FAM240A: variants seen among roughly 807,000 people sequenced by gnomAD.
FAM240A encodes the protein family with sequence similarity 240 member A.
FAM240A carries 8 observed loss-of-function variants against 7.3 expected under a neutral mutation model. That is an observed-to-expected ratio of 1.09 (90% CI 0.64 to 1.97). FAM240A has a LOEUF of 1.97. Among genes scored for constraint, FAM240A ranks in the 30% most tolerant of loss-of-function variants. FAM240A has a pLI of 0.00. For synonymous variants in FAM240A, 32 were observed against 35.9 expected, an observed-to-expected ratio of 0.89 and a Z score of 0.38; for missense variants, 90 against 102.2, an observed-to-expected ratio of 0.88 and a Z score of 0.52.
rs1386465267 is a variant in FAM240A, at chr3:46,626,121, G to T, written c.*903G>T. On this transcript the variant is annotated 3_prime_UTR_variant, in exon 3 of 3. Coordinates refer to ENST00000640551, the MANE Select transcript of FAM240A (RefSeq NM_001195442.2). ...CAATGATATAAAGTCCTGGGTACTT[G>T]CTGGCTGTAAGCAGCACCTGCAAGG... is the stretch of plus-strand genomic sequence containing the variant. The T allele has an allele frequency of 1.3e-5, 2 of 152,048 alleles. No individual in the cohort carries two copies. Among genetic ancestry groups the T allele is most frequent in the Non-Finnish European group, 2.9e-5 (2 of 68,032 alleles). The allele number at this position is 152,048 out of a possible 1,614,324, so 9.4% of individuals were successfully genotyped here. A position where few individuals can be genotyped will look rare whatever the true frequency, so the allele number is the denominator to read the frequency against.
chr3:46,612,850 C>T (rs1250948324), intron 1 of FAM240A, among the ~76,000 whole-genome samples, 152 bp downstream of exon 1: 1 of 152,224 alleles, frequency 6.6e-6, no homozygotes, highest in Non-Finnish European at 1.5e-5. Context: ...AGAGGGGATA[C>T]AGAGGAATAG....
Position 46,617,325 on chromosome 3 carries a change from G to C in FAM240A, c.158G>C (p.Arg53Thr). 2 of 1,523,468 alleles carry C rather than the reference G, an allele frequency of 1.3e-6. No homozygotes were observed. Among genetic ancestry groups the C allele is most frequent in the Non-Finnish European group, 1.8e-6 (2 of 1,142,620 alleles). 94.4% of individuals were successfully genotyped at this position (1,523,468 alleles called of 1,614,324 possible). The change falls in exon 2 of 3, where the codon AGA (arginine) becomes ACA (threonine). Residue 53 changes from arginine (R) to threonine (T), a missense_variant. By Grantham distance (71) the Arg-to-Thr change is moderately conservative. Transcript: ENST00000640551. ...EERRLGRSAL[R>T]KLREEWKQRL... ...CGTCGTCTGGGAAGAAGCGCACTGAGAAAGTATGTGGCTTGTTTGTCTACT... is the reference window on the plus strand; with the variant it reads ...CGTCGTCTGGGAAGAAGCGCACTGACAAAGTATGTGGCTTGTTTGTCTACT...
intron 2 of FAM240A, among the ~76,000 whole-genome samples, chr3:46,620,259 T>C (rs1176814838): frequency 2.0e-5 from 3 of 150,960 alleles, no homozygotes. Flanking sequence ...TCCTGTTTTC[T>C]AGCAGTGACT....
intron 1 of FAM240A, among the ~76,000 whole-genome samples, chr3:46,615,086 GACAA>G (rs1697612700): frequency 1.3e-5 from 2 of 152,152 alleles, no homozygotes; most frequent in Non-Finnish European, 2.9e-5. Context: ...GAACCCATGT[GACAA>G]ACAGACGGCG....
At chr3:46,617,649 T>G (rs910321733) in intron 2 of FAM240A, among the ~76,000 whole-genome samples, 4 of 152,224 alleles carry the variant, frequency 2.6e-5, no homozygotes, top group Non-Finnish European at 5.9e-5. Context: ...AATTCTTATC[T>G]TTATGAACTG....
intron 2 of FAM240A, among the ~76,000 whole-genome samples, chr3:46,621,381 T>TG (rs1305156161): frequency 1.4e-4 from 22 of 152,214 alleles, no homozygotes; most frequent in Non-Finnish European, 3.2e-4. Context: ...AAACCAACCT[T>TG]GTTTTTATTA....
intron 1 of FAM240A, 93 bp downstream of exon 1, chr3:46,612,791 C>A: frequency 1.0e-6 from 1 of 956,738 alleles, no homozygotes; most frequent in Non-Finnish European, 1.6e-6. Context: ...ATTCACTGGA[C>A]GCAGCAGCAC....
intron 2 of FAM240A, among the ~76,000 whole-genome samples, chr3:46,617,927 G>A (rs763566599): frequency 9.2e-5 from 14 of 152,320 alleles, no homozygotes; most frequent in Admixed American, 5.9e-4. Flanking sequence ...GTGGGCAAAC[G>A]AGGGTCACCT....
At chr3:46,618,882 T>TAC (rs748467427) in intron 2 of FAM240A, among the ~76,000 whole-genome samples, 843 of 77,218 alleles carry the variant, frequency 0.011, 3 homozygotes, top group Middle Eastern at 0.049. Context: ...TATATATATA[T>TAC]ACACACACAC....
intron 2 of FAM240A, among the ~76,000 whole-genome samples, chr3:46,620,498 CAA>C (rs75349231): frequency 0.4 from 53,344 of 134,368 alleles, 10,187 homozygotes; most frequent in Non-Finnish European, 0.44. Context: ...GTAGTTTTGT[CAA>C]AAAAAAAAAA....
chr3:46,622,236 A>C (rs1697706546), intron 2 of FAM240A, among the ~76,000 whole-genome samples: 1 of 150,066 alleles, frequency 6.7e-6, no homozygotes, highest in African/African-American at 2.5e-5. Flanking sequence ...CTCCCGAGTA[A>C]CTGGGACTAC....
intron 2 of FAM240A, among the ~76,000 whole-genome samples, chr3:46,622,129 T>C: frequency 1.4e-5 from 2 of 146,218 alleles, no homozygotes; most frequent in Non-Finnish European, 3.0e-5. Context: ...TTTTTTTTTT[T>C]TGAGACAGAG....
intron 2 of FAM240A, 68 bp downstream of exon 2, chr3:46,617,396 A>G: frequency 7.3e-7 from 1 of 1,369,662 alleles, no homozygotes; most frequent in Non-Finnish European, 9.6e-7. Context: ...AATTTAGAAC[A>G]GTTTTAGGTT....
At chr3:46,619,575 C>T (rs1697672860) in intron 2 of FAM240A, among the ~76,000 whole-genome samples, 1 of 152,218 alleles carries the variant, frequency 6.6e-6, no homozygotes, top group Non-Finnish European at 1.5e-5. Context: ...CGCCTGTCCA[C>T]TACAGGATCT....
chr3:46,617,463 C>T (rs563266676), intron 2 of FAM240A, 135 bp downstream of exon 2: 40 of 643,288 alleles, frequency 6.2e-5, no homozygotes, highest in Non-Finnish European at 9.3e-5. Flanking sequence ...CGCAATTGCC[C>T]CACTGTCAAC....
At position 46,625,234 on chromosome 3, in the gene FAM240A, T is replaced by A; in HGVS notation, c.*16T>A. The stretch of plus-strand genomic sequence containing the variant: ...TGTTGGCTGAGAGCTTCCTGCTTCA[T>A]TGACACAAGAAGATGCAAAACACTG... On this transcript the variant is annotated 3_prime_UTR_variant, in exon 3 of 3. Transcript: ENST00000640551. The A allele has an allele frequency of 1.3e-6, 2 of 1,521,446 alleles. No individual in the cohort carries two copies. Among genetic ancestry groups the A allele is most frequent in the Non-Finnish European group, 1.8e-6 (2 of 1,136,222 alleles). 94.2% of individuals were successfully genotyped at this position (1,521,446 alleles called of 1,614,324 possible). A position where few individuals can be genotyped will look rare whatever the true frequency, so the allele number is the denominator to read the frequency against.
chr3:46,621,774 CAA>C (rs35560044), intron 2 of FAM240A, among the ~76,000 whole-genome samples: 2,979 of 146,732 alleles, frequency 0.02, 91 homozygotes, highest in African/African-American at 0.068. Context: ...CCCGCCTTCT[CAA>C]AAAAAAAAAA....
At chr3:46,623,140 A>T (rs549740680) in intron 2 of FAM240A, among the ~76,000 whole-genome samples, 5 of 152,068 alleles carry the variant, frequency 3.3e-5, no homozygotes, top group South Asian at 2.1e-4. Context: ...TGCTTTTTTT[A>T]AATTTTAATT....
rs574058278 is a variant in FAM240A, at chr3:46,621,630, C to T, written c.162-3498C>T. On this transcript the variant is annotated intron_variant, in intron 2 of 2. Coordinates refer to ENST00000640551, the MANE Select transcript of FAM240A (RefSeq NM_001195442.2). ...CAAAAATTGGCCAGGCATGCTACCA[C>T]GAGCCTGTAGTCCCAGCTACTGCGG... Among the ~76,000 whole-genome samples, 21 of 152,154 alleles carry T rather than the reference C, an allele frequency of 1.4e-4. No homozygotes were observed. The South Asian group carries it at 2.9e-3, about 21-fold the overall frequency.
Sources: gnomAD v4.1 joint callset for allele counts (sites outside exome capture counted in the v4.1 genomes callset) on GRCh38, gnomAD v4.1.1 for gene constraint, MANE v1.5 for transcripts, NCBI Gene and HGNC (gene_info 2026-07-23, HGNC 2026-07-21) for gene names.